PTPN11: variants seen among roughly 807,000 people sequenced by gnomAD.
The protein encoded by PTPN11 is protein tyrosine phosphatase non-receptor type 11, also known as tyrosine-protein phosphatase non-receptor type 11.
PTPN11 carries 6 observed loss-of-function variants against 78.8 expected under a neutral mutation model. The ratio of observed to expected loss-of-function variants is 0.08; its 90% CI spans 0.04 to 0.15. PTPN11 has a LOEUF of 0.15. PTPN11 is among the 10% of genes least tolerant of loss of function. PTPN11 has a pLI of 1.00. For missense variants in PTPN11, 386 were observed against 744.8 expected, an observed-to-expected ratio of 0.52 and a Z score of 5.61; for synonymous variants, 221 against 263.5, an observed-to-expected ratio of 0.84 and a Z score of 1.56.
chr12:112,440,420 C>T (rs2037868121), intron 1 of PTPN11, among the ~76,000 whole-genome samples: 1 of 148,586 alleles, frequency 6.7e-6, no homozygotes, highest in African/African-American at 2.5e-5. Flanking sequence ...ATTACAGGGG[C>T]CTGCCACAAC....
At chr12:112,426,257 C>T (rs760744006) in intron 1 of PTPN11, among the ~76,000 whole-genome samples, 11 of 151,932 alleles carry the variant, frequency 7.2e-5, no homozygotes, top group South Asian at 2.1e-4. Context: ...GGTTTGTAAA[C>T]TCTTTTTTTT....
chr12:112,435,646 G>GTT (rs2037776655), intron 1 of PTPN11, among the ~76,000 whole-genome samples: 1 of 129,252 alleles, frequency 7.7e-6, no homozygotes, highest in African/African-American at 3.9e-5. Context: ...GTAGGATTAA[G>GTT]GTTTTTTTTT....
At chr12:112,475,410 T>C (rs999501881) in intron 7 of PTPN11, among the ~76,000 whole-genome samples, 1 of 152,120 alleles carries the variant, frequency 6.6e-6, no homozygotes, top group African/African-American at 2.4e-5. Context: ...CATAATGTTT[T>C]ATTGATTGAT....
At chr12:112,477,362 T>C (rs575916043) in intron 7 of PTPN11, among the ~76,000 whole-genome samples, 3 of 152,274 alleles carry the variant, frequency 2.0e-5, no homozygotes, top group Non-Finnish European at 4.4e-5. Context: ...GTTACACATA[T>C]AGTAGAGAGA....
intron 13 of PTPN11, among the ~76,000 whole-genome samples, chr12:112,491,731 G>A (rs932217194): frequency 1.3e-5 from 2 of 152,076 alleles, no homozygotes; most frequent in African/African-American, 4.8e-5. Flanking sequence ...TTGAGACAGG[G>A]TCTCACTTTG....
At chr12:112,473,776 A>G (rs1053701762) in intron 7 of PTPN11, among the ~76,000 whole-genome samples, 5 of 151,052 alleles carry the variant, frequency 3.3e-5, no homozygotes, top group African/African-American at 7.3e-5. Flanking sequence ...AACCCAGGAG[A>G]TGGAGGTTGC....
intron 9 of PTPN11, among the ~76,000 whole-genome samples, chr12:112,479,152 G>C (rs2038556771): frequency 6.6e-6 from 1 of 152,012 alleles, no homozygotes; most frequent in African/African-American, 2.4e-5. Flanking sequence ...AGACACTTCA[G>C]ATTAAAAAAA....
In PTPN11 at chr12:112,505,674, A is replaced by C. The variant is rs10850041; in HGVS notation, c.*33-151A>C. Among the ~76,000 whole-genome samples, 7,966 of 150,588 alleles carry C rather than the reference A, an allele frequency of 0.053. 1,151 individuals carry two copies. The East Asian group carries it at 0.59, about 11-fold the overall frequency. Reference sequence around the variant, plus strand: ...TCCATCTCAAAAAAAAAAAAAAAAAAAAAAAAACTCAGTGTCAGTATTTCA... The same window carrying C: ...TCCATCTCAAAAAAAAAAAAAAAAACAAAAAAACTCAGTGTCAGTATTTCA... On this transcript the variant is annotated intron_variant, in intron 15 of 15. Transcript: ENST00000351677.
chr12:112,499,691 T>C (rs558862823), intron 13 of PTPN11, among the ~76,000 whole-genome samples: 1 of 152,096 alleles, frequency 6.6e-6, no homozygotes, highest in Non-Finnish European at 1.5e-5. Flanking sequence ...GGCTCATGCC[T>C]GTAAACCCAG....
At chr12:112,459,457 G>GTTTTGTTTTGTTTTGTT (rs2038214553) in intron 6 of PTPN11, among the ~76,000 whole-genome samples, 1 of 150,042 alleles carries the variant, frequency 6.7e-6, no homozygotes, top group African/African-American at 2.5e-5. Flanking sequence ...TTGAGATAGA[G>GTTTTGTTTTGTTTTGTT]TTTTGTTTTG....
At position 112,419,035 on chromosome 12, in the gene PTPN11, GCC is replaced by G. The variant is rs2037471892; in HGVS notation, c.-76_-75del. 2 of 1,527,388 alleles carry G rather than the reference GCC, an allele frequency of 1.3e-6. No homozygotes were observed. The highest frequency in any genetic ancestry group is 5.0e-5 in the East Asian group (2 of 39,962). The allele number at this position is 1,527,388 out of a possible 1,614,324, so 94.6% of individuals were successfully genotyped here. A position where few individuals can be genotyped will look rare whatever the true frequency, so the allele number is the denominator to read the frequency against. On this transcript the variant is annotated 5_prime_UTR_variant, in exon 1 of 16. Coordinates refer to ENST00000351677, the MANE Select transcript of PTPN11 (RefSeq NM_002834.5). The stretch of plus-strand genomic sequence containing the variant: ...CCGGTCCCGAGCGGGCCTCCCTCGG[GCC>G]AGCCCGATGTGACCGAGCCCAGCGG...
intron 12 of PTPN11, 93 bp from the exon 13 acceptor site, chr12:112,488,931 G>A: frequency 6.6e-7 from 1 of 1,516,432 alleles, no homozygotes; most frequent in Non-Finnish European, 9.1e-7. Flanking sequence ...GACTAAATTA[G>A]CATTGTCTCT....
At chr12:112,423,060 G>A (rs2037549325) in intron 1 of PTPN11, among the ~76,000 whole-genome samples, 1 of 152,158 alleles carries the variant, frequency 6.6e-6, no homozygotes, top group African/African-American at 2.4e-5. Flanking sequence ...ACCAAGGATT[G>A]GAGACCCTGA....
chr12:112,482,002 T>C lies in PTPN11; in HGVS notation c.1093-72T>C, dbSNP rs928636515. The C allele has an allele frequency of 2.5e-5, 37 of 1,467,816 alleles. No individual in the cohort carries two copies. The highest frequency in any genetic ancestry group is 2.3e-4 in the Middle Eastern group (1 of 4,400). 90.9% of individuals were successfully genotyped at this position (1,467,816 alleles called of 1,614,324 possible). On this transcript the variant is annotated intron_variant, in intron 9 of 15. Coordinates refer to ENST00000351677, the MANE Select transcript of PTPN11 (RefSeq NM_002834.5). The surrounding 1 kb of genome is among the most constrained non-coding windows in gnomAD (Gnocchi z 4.4). ...GGTTATTAAGCAAGACTTGAACATT[T>C]GTTTGTTGCTTGTTTAGGCTTTTAT...
intron 14 of PTPN11, 114 bp downstream of exon 14, chr12:112,502,370 C>T (rs1319521828): frequency 1.8e-5 from 15 of 837,602 alleles, no homozygotes; most frequent in South Asian, 4.0e-5. Context: ...CACTGGTGCA[C>T]GTTCCTGTTG....
At chr12:112,480,368 T>C (rs921112029) in intron 9 of PTPN11, among the ~76,000 whole-genome samples, 1 of 122,602 alleles carries the variant, frequency 8.2e-6, no homozygotes, top group Non-Finnish European at 1.9e-5. Flanking sequence ...ACATCGTTCT[T>C]TTTTTTTTTT....
intron 9 of PTPN11, among the ~76,000 whole-genome samples, chr12:112,480,920 C>G (rs2038585634): frequency 1.3e-5 from 2 of 152,272 alleles, no homozygotes; most frequent in Admixed American, 1.3e-4. Context: ...AACACATCAC[C>G]AAATAGATAC....
Position 112,429,735 on chromosome 12 carries a change from G to A in PTPN11, c.14+10610G>A, listed in dbSNP as rs553984841. The stretch of plus-strand genomic sequence containing the variant: ...AGGAGAATCGCTTGAACCCGGGAGT[G>A]GAGGTTGCAGTGAGCTGAGATTGTG... On this transcript the variant is annotated intron_variant, in intron 1 of 15. Coordinates refer to ENST00000351677, the MANE Select transcript of PTPN11 (RefSeq NM_002834.5). 2.0e-5 allele frequency among the ~76,000 whole-genome samples: 3 copies of A among 151,014 alleles called. No individual in the cohort carries two copies. The South Asian group carries it at 6.3e-4, about 32-fold the overall frequency.
At chr12:112,431,274 G>A (rs2037708139) in intron 1 of PTPN11, among the ~76,000 whole-genome samples, 1 of 152,190 alleles carries the variant, frequency 6.6e-6, no homozygotes, top group African/African-American at 2.4e-5. Context: ...TGAAGAAATA[G>A]ACATGTTCCT....
Sources: gnomAD v4.1 joint callset for allele counts (sites outside exome capture counted in the v4.1 genomes callset) on GRCh38, gnomAD v4.1.1 for gene constraint, Gnocchi (gnomAD v3.1) non-coding constraint, MANE v1.5 for transcripts, NCBI Gene and HGNC (gene_info 2026-07-23, HGNC 2026-07-21) for gene names.